SLC22A16: variants seen among roughly 807,000 people sequenced by gnomAD.
SLC22A16 encodes the protein solute carrier family 22 member 16.
Under a neutral mutation model 52.9 loss-of-function variants are expected in SLC22A16, and 53 were observed. The observed-to-expected ratio is 1.00, with a 90% confidence interval of 0.80 to 1.26. The LOEUF is 1.26. SLC22A16 is among the 50% of genes most tolerant of loss of function. SLC22A16 has a pLI of 0.00. For missense variants in SLC22A16, 726 were observed against 704.0 expected (o/e 1.03, Z -0.35); for synonymous variants, 291 against 268.8 (o/e 1.08, Z -0.81).
intron 7 of SLC22A16, among the ~76,000 whole-genome samples, chr6:110,427,399 A>T (rs3818101): frequency 0.24 from 36,236 of 152,062 alleles, 4,569 homozygotes; most frequent in East Asian, 0.37. Context: ...TGCTCCTCAG[A>T]GTCCTTTTCT....
rs150644781 is a variant in SLC22A16 at position 110,462,377 on chromosome 6, A to G, written c.54-5360T>C. Among the ~76,000 whole-genome samples, 62 of 152,338 alleles carry G rather than the reference A, an allele frequency of 4.1e-4. No individual in the cohort carries two copies. The East Asian group carries it at 5.4e-3, about 13-fold the overall frequency. On this transcript the variant is annotated intron_variant, in intron 1 of 7. Transcript: ENST00000368919. ...ACTAAAATGAAAATTCTGAAATGAC[A>G]GATAAAGAATTCAAAATATGGATTG...
intron 1 of SLC22A16, among the ~76,000 whole-genome samples, chr6:110,461,224 A>G (rs1018286359): frequency 1.1e-4 from 16 of 152,198 alleles, no homozygotes; most frequent in Non-Finnish European, 2.9e-5. Context: ...TCTGGACTGG[A>G]GAAAGAGGCT....
At chr6:110,471,851 C>T (rs1776271063) in intron 1 of SLC22A16, among the ~76,000 whole-genome samples, 1 of 152,208 alleles carries the variant, frequency 6.6e-6, no homozygotes, top group East Asian at 1.9e-4. Context: ...TTTCTATCTA[C>T]AGCGCCCAGG....
At chr6:110,459,689 G>A (rs1378689583) in intron 1 of SLC22A16, among the ~76,000 whole-genome samples, 1 of 152,106 alleles carries the variant, frequency 6.6e-6, no homozygotes, top group African/African-American at 2.4e-5. Context: ...TGACAAATAT[G>A]GTAATGTAAG....
At chr6:110,435,625 T>C (rs1774691998) in intron 6 of SLC22A16, among the ~76,000 whole-genome samples, 1 of 152,226 alleles carries the variant, frequency 6.6e-6, no homozygotes, top group Admixed American at 6.5e-5. Flanking sequence ...AAACTTAAAA[T>C]GTTTTTGGAA....
At chr6:110,436,910 A>C (rs1774754524) in intron 5 of SLC22A16, among the ~76,000 whole-genome samples, 1 of 152,116 alleles carries the variant, frequency 6.6e-6, no homozygotes, top group South Asian at 2.1e-4. Flanking sequence ...CCATCTGCCA[A>C]CTGGATGCTG....
intron 1 of SLC22A16, among the ~76,000 whole-genome samples, chr6:110,467,359 C>T (rs182987861): frequency 2.0e-4 from 30 of 152,302 alleles, no homozygotes; most frequent in Middle Eastern, 3.4e-3. Flanking sequence ...ACACAATATG[C>T]AGCTGAAGTA....
intron 1 of SLC22A16, among the ~76,000 whole-genome samples, chr6:110,458,677 C>G (rs535587211): frequency 3.3e-5 from 5 of 152,206 alleles, no homozygotes; most frequent in African/African-American, 9.6e-5. Context: ...AATCAGTAGA[C>G]TAAGTAGAGA....
At chr6:110,472,571 G>T (rs1405434124) in intron 1 of SLC22A16, among the ~76,000 whole-genome samples, 1 of 152,012 alleles carries the variant, frequency 6.6e-6, no homozygotes, top group Non-Finnish European at 1.5e-5. Context: ...CTTTCCATGT[G>T]CTAGAAAGGT....
chr6:110,467,646 T>C (rs1776115621), intron 1 of SLC22A16, among the ~76,000 whole-genome samples: 1 of 152,216 alleles, frequency 6.6e-6, no homozygotes, highest in Non-Finnish European at 1.5e-5. Context: ...AATAGGCCAG[T>C]GTATCCAAAA....
At chr6:110,433,275 C>T (rs77450846) in intron 6 of SLC22A16, among the ~76,000 whole-genome samples, 113 of 152,306 alleles carry the variant, frequency 7.4e-4, no homozygotes, top group African/African-American at 2.6e-3. Context: ...TGTACCTACT[C>T]TATCTATCCA....
intron 7 of SLC22A16, among the ~76,000 whole-genome samples, chr6:110,427,647 G>A (rs1048191743): frequency 3.9e-5 from 6 of 152,048 alleles, no homozygotes; most frequent in Admixed American, 2.0e-4. Context: ...CTACAGGCAC[G>A]CACCACCACG....
intron 7 of SLC22A16, among the ~76,000 whole-genome samples, chr6:110,429,671 G>C (rs1337770658): frequency 1.3e-5 from 2 of 152,184 alleles, no homozygotes; most frequent in East Asian, 3.9e-4. Flanking sequence ...AAGCACAACA[G>C]CCTGACTGGG....
intron 6 of SLC22A16, among the ~76,000 whole-genome samples, chr6:110,435,452 C>T (rs900502550): frequency 1.3e-5 from 2 of 152,096 alleles, no homozygotes; most frequent in Non-Finnish European, 2.9e-5. Context: ...GCCTCCAGTA[C>T]TGTGAGAAAA....
At chr6:110,429,423 CA>C (rs2114883379) in intron 7 of SLC22A16, among the ~76,000 whole-genome samples, 2 of 152,342 alleles carry the variant, frequency 1.3e-5, no homozygotes, top group South Asian at 4.1e-4. Flanking sequence ...AAGGCAACTC[CA>C]GGGGATACCA....
chr6:110,466,911 T>TGACAGATA (rs1776082952), intron 1 of SLC22A16, among the ~76,000 whole-genome samples: 2 of 140,552 alleles, frequency 1.4e-5, no homozygotes, highest in Non-Finnish European at 1.5e-5. Context: ...AAAGAAAATG[T>TGACAGATA]GATAGATAGA....
At position 110,438,924 on chromosome 6, in the gene SLC22A16, C is replaced by T. The variant is rs1245293745; in HGVS notation, c.1184-77G>A. The stretch of plus-strand genomic sequence containing the variant: ...GGGACCCCCGTCTTCTAACCCACTA[C>T]CCAAAAGGCATGAGCAGCCCTCTCC... On this transcript the variant is annotated intron_variant, in intron 4 of 7. Transcript: ENST00000368919. 4 of 1,570,120 alleles carry T rather than the reference C, an allele frequency of 2.5e-6. No individual in the cohort carries two copies. The African/African-American group carries it at 4.1e-5, about 16-fold the overall frequency.
intron 7 of SLC22A16, among the ~76,000 whole-genome samples, chr6:110,427,270 A>AAAAAAAAG (rs1554222379): frequency 2.4e-4 from 33 of 139,432 alleles, no homozygotes; most frequent in African/African-American, 6.2e-4. Context: ...AAAAAGAAAA[A>AAAAAAAAG]AAAGAAAGAA....
chr6:110,457,843 C>T (rs1775725375), intron 1 of SLC22A16, among the ~76,000 whole-genome samples: 1 of 152,136 alleles, frequency 6.6e-6, no homozygotes. Flanking sequence ...GCAGTAGCGT[C>T]AGTGCCAAAG....
Sources: allele counts gnomAD v4.1 joint callset (sites outside exome capture counted in the v4.1 genomes callset), GRCh38; gene constraint gnomAD v4.1.1; transcripts MANE v1.5; gene names NCBI Gene and HGNC (gene_info 2026-07-23, HGNC 2026-07-21).